The following ABLIM1 variants were observed in gnomAD, a reference collection of about 807,000 sequenced individuals.
The protein encoded by ABLIM1 is actin-binding LIM protein 1.
A neutral mutation model predicts 107.0 loss-of-function variants in ABLIM1; 40 were observed. The ratio of observed to expected loss-of-function variants is 0.37; its 90% CI spans 0.29 to 0.49. ABLIM1 has a LOEUF of 0.49. ABLIM1 is among the 20% of genes least tolerant of loss of function. ABLIM1 has a pLI of 0.97. For synonymous variants in ABLIM1, 357 were observed against 357.3 expected (o/e 1.00, Z 0.01); for missense variants, 857 against 1,008.5 (o/e 0.85, Z 2.04).
chr10:114,545,736 C>T (rs1001163991), intron 5 of ABLIM1, among the ~76,000 whole-genome samples: 1 of 151,814 alleles, frequency 6.6e-6, no homozygotes, highest in African/African-American at 2.4e-5. Flanking sequence ...ACCAGTCTGG[C>T]CAACATGGGG....
intron 1 of ABLIM1, among the ~76,000 whole-genome samples, chr10:114,648,587 G>C (rs1465176010): frequency 6.6e-6 from 1 of 152,176 alleles, no homozygotes; most frequent in Non-Finnish European, 1.5e-5. Flanking sequence ...TGATAAAAAT[G>C]CTCTGGAATT....
intron 1 of ABLIM1, among the ~76,000 whole-genome samples, chr10:114,643,715 C>T (rs989108700): frequency 2.0e-5 from 3 of 151,722 alleles, no homozygotes; most frequent in African/African-American, 7.3e-5. Flanking sequence ...TAGCTGGGAC[C>T]ACAGACATGC....
intron 1 of ABLIM1, among the ~76,000 whole-genome samples, chr10:114,726,993 G>T (rs969347770): frequency 6.6e-6 from 1 of 152,188 alleles, no homozygotes; most frequent in Non-Finnish European, 1.5e-5. Context: ...ACAATGTTCA[G>T]TGTGAACCCA....
chr10:114,566,402 C>T (rs1456361837), intron 4 of ABLIM1, among the ~76,000 whole-genome samples: 1 of 151,742 alleles, frequency 6.6e-6, no homozygotes, highest in Non-Finnish European at 1.5e-5. Flanking sequence ...TCAGTTGCCA[C>T]ACACAGACTT....
chr10:114,558,428 T>C (rs2069104573), intron 4 of ABLIM1, among the ~76,000 whole-genome samples: 1 of 151,984 alleles, frequency 6.6e-6, no homozygotes, highest in Non-Finnish European at 1.5e-5. Context: ...GAATTGAGAG[T>C]CCGAGAACTT....
intron 12 of ABLIM1, chr10:114,465,471 C>T (rs2064954703): frequency 2.2e-6 from 1 of 444,532 alleles, no homozygotes. Flanking sequence ...AGCTCGCTGT[C>T]AAAATATAAT....
upstream of ABLIM1, among the ~76,000 whole-genome samples, chr10:114,661,207 T>C (rs1234859222): frequency 1.3e-5 from 2 of 152,218 alleles, no homozygotes; most frequent in African/African-American, 4.8e-5. Flanking sequence ...ATATGGATCA[T>C]GAAGACGGCT....
At chr10:114,509,664 C>T (rs888786302) in intron 6 of ABLIM1, among the ~76,000 whole-genome samples, 18 of 152,208 alleles carry the variant, frequency 1.2e-4, no homozygotes, top group Admixed American at 5.2e-4. Context: ...ATTCAATACC[C>T]TCTGCAGTCT....
intron 4 of ABLIM1, among the ~76,000 whole-genome samples, chr10:114,566,242 T>C (rs149724067): frequency 9.4e-4 from 143 of 152,116 alleles, no homozygotes; most frequent in Middle Eastern, 3.4e-3. Context: ...ATCTTGTCAA[T>C]CCCCACAAAC....
chr10:114,568,287 G>A (rs2138648858), intron 4 of ABLIM1, among the ~76,000 whole-genome samples: 1 of 151,988 alleles, frequency 6.6e-6, no homozygotes, highest in Non-Finnish European at 1.5e-5. Flanking sequence ...GGGCATGCGG[G>A]ACTTAATACC....
intron 6 of ABLIM1, among the ~76,000 whole-genome samples, chr10:114,499,328 C>A (rs548790503): frequency 6.6e-6 from 1 of 152,314 alleles, no homozygotes; most frequent in Non-Finnish European, 1.5e-5. Context: ...GTTAAACTAT[C>A]GAGGACTATG....
In ABLIM1 at chr10:114,451,638, A is replaced by G; in HGVS notation, c.1580T>C (p.Ile527Thr). The G allele has an allele frequency of 6.2e-7, 1 of 1,613,596 alleles. No individual in the cohort carries two copies. The highest frequency in any genetic ancestry group is 8.5e-7 in the Non-Finnish European group (1 of 1,179,700). Residue 527 changes from isoleucine (I) to threonine (T), a missense_variant, in exon 14 of 23, where the codon ATC (isoleucine) becomes ACC (threonine). Transcript: ENST00000533213. Reference sequence around the variant, plus strand: ...GCGGGTTTTACCATGCTGTTTGTAGATGGGTGGCTTTCGGTAAATGTTGAT... The same window carrying G: ...GCGGGTTTTACCATGCTGTTTGTAGGTGGGTGGCTTTCGGTAAATGTTGAT... ...QGINIYRKPP[I>T]YKQHAALAAQ... is the part of the protein sequence containing the mutation.
At chr10:114,454,042 C>T (rs1454850314) in intron 12 of ABLIM1, among the ~76,000 whole-genome samples, 1 of 152,142 alleles carries the variant, frequency 6.6e-6, no homozygotes, top group Non-Finnish European at 1.5e-5. Context: ...TTCTGTTTTC[C>T]TCACTTTGAA....
At chr10:114,630,829 A>G (rs1171788388) in intron 1 of ABLIM1, among the ~76,000 whole-genome samples, 3 of 152,228 alleles carry the variant, frequency 2.0e-5, no homozygotes, top group Non-Finnish European at 4.4e-5. Context: ...TGTACTAGAC[A>G]GCAAAATTAA....
chr10:114,767,922 G>A (rs1402667164), intron 1 of ABLIM1: 1 of 318,316 alleles, frequency 3.1e-6, no homozygotes, highest in Non-Finnish European at 6.3e-6. Flanking sequence ...CCCGGCCCCC[G>A]GCAGCCCCGA....
intron 5 of ABLIM1, among the ~76,000 whole-genome samples, chr10:114,546,223 C>T (rs544094401): frequency 4.3e-4 from 66 of 152,106 alleles, no homozygotes; most frequent in African/African-American, 1.5e-3. Flanking sequence ...TGCAATGTTC[C>T]GTTAGAAGCC....
At chr10:114,692,809 G>T (rs2141732516) in intron 1 of ABLIM1, among the ~76,000 whole-genome samples, 1 of 152,326 alleles carries the variant, frequency 6.6e-6, no homozygotes, top group South Asian at 2.1e-4. Context: ...AGAATTGCTT[G>T]AACCCGGGAG....
chr10:114,776,506 G>A, the ABLIM1 span, among the ~76,000 whole-genome samples: 8 of 152,086 alleles, frequency 5.3e-5, no homozygotes, highest in Non-Finnish European at 1.0e-4. Flanking sequence ...GCAGCTACTC[G>A]GGAGGCTGAG....
intron 6 of ABLIM1, among the ~76,000 whole-genome samples, chr10:114,523,979 G>C (rs935582459): frequency 6.6e-6 from 1 of 152,138 alleles, no homozygotes; most frequent in Non-Finnish European, 1.5e-5. Context: ...GTGTCACATT[G>C]GTACCTCCAG....
Sources: allele counts gnomAD v4.1 joint callset (sites outside exome capture counted in the v4.1 genomes callset), GRCh38; gene constraint gnomAD v4.1.1; transcripts MANE v1.5; gene names NCBI Gene and HGNC (gene_info 2026-07-23, HGNC 2026-07-21).